Variants in DAAM1 observed in about 807,000 individuals in gnomAD.
DAAM1 encodes disheveled-associated activator of morphogenesis 1.
Under a neutral mutation model 130.0 loss-of-function variants are expected in DAAM1, and 52 were observed. That is an observed-to-expected ratio of 0.40 (90% CI 0.32 to 0.50). DAAM1 has a LOEUF of 0.50. DAAM1 is among the 20% of genes least tolerant of loss of function. The probability of loss-of-function intolerance (pLI) is 0.61; values close to 1 mark genes in which losing one functional copy is unlikely to be tolerated. For missense variants in DAAM1, 1,134 were observed against 1,303.8 expected (o/e 0.87, Z 2.01); for synonymous variants, 452 against 444.5 (o/e 1.02, Z -0.21).
At chr14:59,280,568 T>C (rs1883168013) in intron 2 of DAAM1, among the ~76,000 whole-genome samples, 1 of 130,390 alleles carries the variant, frequency 7.7e-6, no homozygotes, top group Admixed American at 8.6e-5. Context: ...TCATTTCTGC[T>C]ATGTCAGACT....
intron 1 of DAAM1, among the ~76,000 whole-genome samples, chr14:59,218,173 A>G (rs942050184): frequency 1.3e-5 from 2 of 152,180 alleles, no homozygotes; most frequent in Non-Finnish European, 2.9e-5. Flanking sequence ...CCTCCGTCAA[A>G]CTAGCCATCT....
chr14:59,329,278 T>G (rs1156974566), intron 12 of DAAM1, among the ~76,000 whole-genome samples: 5 of 152,128 alleles, frequency 3.3e-5, no homozygotes, highest in Non-Finnish European at 5.9e-5. Flanking sequence ...GGAAGGCAAG[T>G]TTCTAGTCCT....
At chr14:59,315,152 A>G in intron 3 of DAAM1, 128 bp from the exon 4 acceptor site, 1 of 840,738 alleles carries the variant, frequency 1.2e-6, no homozygotes, top group Non-Finnish European at 2.1e-6. Context: ...AAAAATAAAT[A>G]CGTCATACCT....
intron 1 of DAAM1, among the ~76,000 whole-genome samples, chr14:59,251,888 C>T (rs1428658275): frequency 6.6e-6 from 1 of 152,116 alleles, no homozygotes; most frequent in African/African-American, 2.4e-5. Context: ...GTGGCTTCTC[C>T]TTGCTGCATC....
chr14:59,226,220 T>G (rs969054540), intron 1 of DAAM1, among the ~76,000 whole-genome samples: 1 of 152,206 alleles, frequency 6.6e-6, no homozygotes, highest in Non-Finnish European at 1.5e-5. Context: ...ACTTCCTTAG[T>G]ATATTGCTCT....
chr14:59,236,869 A>G (rs1889321211), intron 1 of DAAM1, among the ~76,000 whole-genome samples: 1 of 152,152 alleles, frequency 6.6e-6, no homozygotes, highest in Admixed American at 6.6e-5. Flanking sequence ...CTCTTGTTTC[A>G]TGTACTTAAT....
At chr14:59,302,466 C>G (rs538828936) in intron 3 of DAAM1, among the ~76,000 whole-genome samples, 46 of 152,200 alleles carry the variant, frequency 3.0e-4, no homozygotes, top group African/African-American at 1.1e-3. Context: ...AGAAGCAACT[C>G]CCTCAGCATT....
At chr14:59,190,285 C>G (rs1288024060) in intron 1 of DAAM1, among the ~76,000 whole-genome samples, 3 of 152,170 alleles carry the variant, frequency 2.0e-5, no homozygotes, top group Non-Finnish European at 4.4e-5. Flanking sequence ...CTCCCTGAAA[C>G]TAATTGTTTG....
intron 16 of DAAM1, among the ~76,000 whole-genome samples, chr14:59,340,924 C>T (rs957618180): frequency 9.2e-5 from 14 of 152,062 alleles, no homozygotes; most frequent in Non-Finnish European, 1.0e-4. Flanking sequence ...TAAAGAATCC[C>T]GAGTTTGGGG....
chr14:59,370,654 A>G lies in DAAM1; in HGVS notation c.*1795A>G, dbSNP rs930231611. On this transcript the variant is annotated 3_prime_UTR_variant, in exon 25 of 25. Coordinates refer to ENST00000360909, the MANE Select transcript of DAAM1 (RefSeq NM_001270520.2). ...ATGGAAATAAATGACTAGCAAATAA[A>G]ACAGTCATAAATACAAAGCAGAGGT... The G allele has an allele frequency of 6.6e-6, 1 of 152,134 alleles. No individual in the cohort carries two copies. The highest frequency in any genetic ancestry group is 1.5e-5 in the Non-Finnish European group (1 of 68,012). 9.4% of individuals were successfully genotyped at this position (152,134 alleles called of 1,614,324 possible).
chr14:59,212,845 T>G (rs552158178), intron 1 of DAAM1, among the ~76,000 whole-genome samples: 84 of 152,352 alleles, frequency 5.5e-4, no homozygotes, highest in African/African-American at 1.8e-3. Flanking sequence ...TCTTTTAGAA[T>G]GTTCCTTTTT....
chr14:59,300,307 A>G (rs1884118225), intron 3 of DAAM1, among the ~76,000 whole-genome samples: 1 of 152,244 alleles, frequency 6.6e-6, no homozygotes, highest in South Asian at 2.1e-4. Context: ...CAGCATTGTA[A>G]TTCAATAGAG....
In DAAM1 at chr14:59,363,787, G is replaced by A. The variant is rs761028981; in HGVS notation, c.2826+5G>A. The A allele has an allele frequency of 6.2e-7, 1 of 1,613,444 alleles. No individual in the cohort carries two copies. The highest frequency in any genetic ancestry group is 1.3e-5 in the African/African-American group (1 of 75,060). ...CTAGCAGAAGCTAAAGACCTGGTAA[G>A]TTTCCCCCTTGTGCACTGAGTGTTG... On this transcript the variant is annotated splice_donor_5th_base_variant and intron_variant, in intron 23 of 24. Coordinates refer to ENST00000360909, the MANE Select transcript of DAAM1 (RefSeq NM_001270520.2).
intron 15 of DAAM1, among the ~76,000 whole-genome samples, chr14:59,337,767 A>C (rs1259651003): frequency 6.6e-6 from 1 of 152,060 alleles, no homozygotes; most frequent in East Asian, 1.9e-4. Context: ...TCTTAATTGC[A>C]TGTTCTTTTT....
At chr14:59,300,258 A>G (rs1317596713) in intron 3 of DAAM1, among the ~76,000 whole-genome samples, 1 of 152,234 alleles carries the variant, frequency 6.6e-6, no homozygotes, top group Non-Finnish European at 1.5e-5. Context: ...AGCCAGATTT[A>G]CAAATGCCCT....
rs763253274 is a variant in DAAM1 at position 59,331,503 on chromosome 14, C to T, written c.1855C>T (p.Pro619Ser). ...ALKSFNWSKL[P>S]ENKLEGTVWT... ...GAAATCCTTCAACTGGTCTAAACTG[C>T]CCGAGGTGAGCCATTTGTTCCAGTT... The change falls in exon 14 of 25, where the codon CCC becomes TCC. Residue 619 changes from proline to serine, a missense_variant. Physicochemically the swap from Pro to Ser is moderately conservative, Grantham distance 74. Transcript: ENST00000360909. 1 of 1,585,188 alleles carries T rather than the reference C, an allele frequency of 6.3e-7. No homozygotes were observed.
chr14:59,234,066 A>T (rs758641834), intron 1 of DAAM1, among the ~76,000 whole-genome samples: 2 of 152,198 alleles, frequency 1.3e-5, no homozygotes, highest in South Asian at 4.1e-4. Flanking sequence ...AGGTAGCATG[A>T]TGCCTCCAGC....
chr14:59,247,889 G>T (rs1183204878), intron 1 of DAAM1, among the ~76,000 whole-genome samples: 1 of 152,056 alleles, frequency 6.6e-6, no homozygotes, highest in African/African-American at 2.4e-5. Flanking sequence ...TGTGCAACTT[G>T]GATGGTTATT....
chr14:59,202,335 T>A (rs2139395819), intron 1 of DAAM1, among the ~76,000 whole-genome samples: 1 of 152,020 alleles, frequency 6.6e-6, no homozygotes, highest in South Asian at 2.1e-4. Flanking sequence ...CCCAAGGGGG[T>A]GGGAGATCAA....
Sources: gnomAD v4.1 joint callset for allele counts (sites outside exome capture counted in the v4.1 genomes callset) on GRCh38, gnomAD v4.1.1 for gene constraint, MANE v1.5 for transcripts, NCBI Gene and HGNC (gene_info 2026-07-23, HGNC 2026-07-21) for gene names.